KCNJ10: variants seen among roughly 807,000 people sequenced by gnomAD.
KCNJ10 encodes the protein potassium inwardly rectifying channel subfamily J member 10.
A neutral mutation model predicts 22.2 loss-of-function variants in KCNJ10; 9 were observed. The observed-to-expected ratio is 0.40, with a 90% CI of 0.24 to 0.71. The LOEUF (loss-of-function observed/expected upper bound fraction) is 0.71, where lower values mean the gene tolerates loss of function less well. KCNJ10 is among the 30% of genes least tolerant of loss of function. The pLI is 0.35. For synonymous variants in KCNJ10, 184 were observed against 187.3 expected (o/e 0.98, Z 0.15); for missense variants, 337 against 482.7 (o/e 0.70, Z 2.83).
intron 1 of KCNJ10, among the ~76,000 whole-genome samples, chr1:160,065,458 A>C (rs1445466790): frequency 6.6e-6 from 1 of 152,194 alleles, no homozygotes; most frequent in Admixed American, 6.5e-5. Flanking sequence ...CCCCCGGCTA[A>C]TGAGGGAGAC....
chr1:160,049,722 T>TATATATTTATATA (rs1553235666), intron 1 of KCNJ10, among the ~76,000 whole-genome samples: 2 of 122,898 alleles, frequency 1.6e-5, no homozygotes, highest in Admixed American at 8.9e-5. Flanking sequence ...TATATATATG[T>TATATATTTATATA]TATCCTAAAG....
At chr1:160,050,524 C>T (rs1430985904) in intron 1 of KCNJ10, among the ~76,000 whole-genome samples, 2 of 152,066 alleles carry the variant, frequency 1.3e-5, no homozygotes, top group Non-Finnish European at 2.9e-5. Flanking sequence ...TAGATTCTTT[C>T]CGTGAAGACC....
intron 1 of KCNJ10, chr1:160,065,122 G>A (rs1225663638): frequency 1.3e-5 from 2 of 152,098 alleles, no homozygotes; most frequent in Admixed American, 6.6e-5. Flanking sequence ...CTATAAATTG[G>A]GGGTTCTAGG....
chr1:160,059,566 A>G (rs1020815192), intron 1 of KCNJ10, among the ~76,000 whole-genome samples: 1 of 152,160 alleles, frequency 6.6e-6, no homozygotes, highest in Non-Finnish European at 1.5e-5. Flanking sequence ...ATTATCTTCA[A>G]TCTGGGCCTC....
At chr1:160,049,679 A>ATATATATATATATATATATATTTATATT (rs1648839663) in intron 1 of KCNJ10, among the ~76,000 whole-genome samples, 1 of 28,160 alleles carries the variant, frequency 3.6e-5, no homozygotes, top group Non-Finnish European at 7.0e-5. Flanking sequence ...ATTTATTTAT[A>ATATATATATATATATATATATTTATATT]TATATATATA....
intron 1 of KCNJ10, among the ~76,000 whole-genome samples, chr1:160,046,910 A>G (rs1648755008): frequency 6.6e-6 from 1 of 152,228 alleles, no homozygotes; most frequent in Non-Finnish European, 1.5e-5. Context: ...GCCAAATACC[A>G]GAGACAGAAT....
At chr1:160,061,737 G>A (rs1395559423) in intron 1 of KCNJ10, among the ~76,000 whole-genome samples, 1 of 146,864 alleles carries the variant, frequency 6.8e-6, no homozygotes, top group Non-Finnish European at 1.5e-5. Flanking sequence ...CGGCCGTGGA[G>A]GGGGTGCAAA....
chr1:160,045,557 C>A (rs1648726003), intron 1 of KCNJ10, among the ~76,000 whole-genome samples: 1 of 152,152 alleles, frequency 6.6e-6, no homozygotes, highest in South Asian at 2.1e-4. Flanking sequence ...AGAAAATAAT[C>A]CAATATGAGT....
At position 160,042,311 on chromosome 1, in the gene KCNJ10, G is replaced by A. The variant is rs778972804; in HGVS notation, c.222C>T (p.Thr74=). 1.2e-6 allele frequency: 2 copies of A among 1,613,544 alleles called. No individual in the cohort carries two copies. The highest frequency in any genetic ancestry group is 1.7e-6 in the Non-Finnish European group (2 of 1,179,566). The change falls in exon 2 of 2, where the codon ACC becomes ACT. Residue 74 remains threonine (T), a synonymous_variant. Coordinates refer to ENST00000644903, the MANE Select transcript of KCNJ10 (RefSeq NM_002241.5). ...CAAAGAGGAACCATGTGCCTGCAAAGGTCGCAGAGAAGAGCAGAAGCTTGT... is the reference window on the plus strand; with the variant it reads ...CAAAGAGGAACCATGTGCCTGCAAAAGTCGCAGAGAAGAGCAGAAGCTTGT... ...WRYKLLLFSA[T]FAGTWFLFGV... is the part of the protein sequence containing the mutation.
chr1:160,067,755 T>C (rs1364819485), intron 1 of KCNJ10, among the ~76,000 whole-genome samples: 2 of 152,154 alleles, frequency 1.3e-5, no homozygotes, highest in East Asian at 3.8e-4. Context: ...GCTCGGCCTA[T>C]CTTTCCATCT....
chr1:160,045,101 T>G (rs1648712554), intron 1 of KCNJ10, among the ~76,000 whole-genome samples: 1 of 152,170 alleles, frequency 6.6e-6, no homozygotes, highest in Non-Finnish European at 1.5e-5. Context: ...TACCTAAACT[T>G]CAGGAGATTT....
chr1:160,043,538 G>T (rs1648667325), intron 1 of KCNJ10, among the ~76,000 whole-genome samples: 1 of 152,210 alleles, frequency 6.6e-6, no homozygotes, highest in Non-Finnish European at 1.5e-5. Context: ...GTGTTAGGAA[G>T]AGTACAGATG....
At chr1:160,057,800 G>T (rs1388165669) in intron 1 of KCNJ10, among the ~76,000 whole-genome samples, 1 of 152,164 alleles carries the variant, frequency 6.6e-6, no homozygotes, top group Non-Finnish European at 1.5e-5. Flanking sequence ...AGAAGGGCGG[G>T]GGAGGCTGAC....
chr1:160,067,655 T>G (rs914665610), intron 1 of KCNJ10, among the ~76,000 whole-genome samples: 1 of 151,232 alleles, frequency 6.6e-6, no homozygotes, highest in Non-Finnish European at 1.5e-5. Context: ...AGAGTGGAGG[T>G]TTTTTTCTTC....
chr1:160,042,293 G>C lies in KCNJ10; in HGVS notation c.240C>G (p.Phe80Leu), dbSNP rs774758209. 2.5e-6 allele frequency: 4 copies of C among 1,613,928 alleles called. No homozygotes were observed. The South Asian group carries it at 4.4e-5, about 18-fold the overall frequency. The change falls in exon 2 of 2, where the codon TTC becomes TTG. Residue 80 changes from phenylalanine to leucine, a missense_variant. This residue lies in a region of KCNJ10 where 107 missense variants were observed against 135.2 expected (regional missense o/e 0.79). Transcript: ENST00000644903. Reference sequence around the variant, plus strand: ...CCAGATACCACACCACGCCAAAGAGGAACCATGTGCCTGCAAAGGTCGCAG... The same window carrying C: ...CCAGATACCACACCACGCCAAAGAGCAACCATGTGCCTGCAAAGGTCGCAG... ...LFSATFAGTW[F>L]LFGVVWYLVA...
intron 1 of KCNJ10, among the ~76,000 whole-genome samples, chr1:160,055,465 A>G (rs754297275): frequency 2.4e-4 from 36 of 152,230 alleles, no homozygotes; most frequent in Non-Finnish European, 4.0e-4. Context: ...TTTGGCTTTT[A>G]TTGAGGTGTG....
chr1:160,051,318 A>G lies in KCNJ10; in HGVS notation c.1-8786T>C, dbSNP rs74507080. 7.3e-3 allele frequency among the ~76,000 whole-genome samples: 1,118 copies of G among 152,148 alleles called. 16 individuals are homozygous for G. The highest frequency in any genetic ancestry group is 0.025 in the African/African-American group (1,053 of 41,512). Reference sequence around the variant, plus strand: ...GCAAATGTTTGGTTCAGGGACATGGAAGGAGAGATGGAGGGGAACTATCAT... The same window carrying G: ...GCAAATGTTTGGTTCAGGGACATGGGAGGAGAGATGGAGGGGAACTATCAT... On this transcript the variant is annotated intron_variant, in intron 1 of 1. Coordinates refer to ENST00000644903, the MANE Select transcript of KCNJ10 (RefSeq NM_002241.5).
At chr1:160,064,742 C>A (rs921429821) in intron 1 of KCNJ10, 1 of 152,216 alleles carries the variant, frequency 6.6e-6, no homozygotes, top group African/African-American at 2.4e-5. Context: ...ACAGGGTCAA[C>A]CGGGAGGTTT....
intron 1 of KCNJ10, among the ~76,000 whole-genome samples, chr1:160,062,827 T>G (rs960900906): frequency 2.0e-5 from 3 of 151,916 alleles, no homozygotes; most frequent in African/African-American, 4.8e-5. Context: ...AGGAAGGGCA[T>G]GTGCTCAGGG....
Sources: gnomAD v4.1 joint callset for allele counts (sites outside exome capture counted in the v4.1 genomes callset) on GRCh38, gnomAD v4.1.1 for gene constraint, gnomAD v4.1.1 regional missense constraint, MANE v1.5 for transcripts, NCBI Gene and HGNC (gene_info 2026-07-23, HGNC 2026-07-21) for gene names.